PCDHA1: variants seen among roughly 807,000 people sequenced by gnomAD.
The protein encoded by PCDHA1 is protocadherin alpha 1, also known as protocadherin alpha-1.
PCDHA1 carries 42 observed loss-of-function variants against 61.3 expected under a neutral mutation model. The ratio of observed to expected loss-of-function variants is 0.69; its 90% CI spans 0.54 to 0.89. PCDHA1 has a LOEUF of 0.89. Among genes scored for constraint, PCDHA1 ranks in the 40% least tolerant of loss-of-function variants. PCDHA1 has a pLI of 0.00. For missense variants in PCDHA1, 1,256 were observed against 1,235.3 expected (o/e 1.02, Z -0.25); for synonymous variants, 610 against 553.8 (o/e 1.10, Z -1.43).
At chr5:140,868,636 TCTCA>T (rs1554162146) in intron 1 of PCDHA1, 1 of 156,044 alleles carries the variant, frequency 6.4e-6, no homozygotes, top group East Asian at 1.9e-4. Flanking sequence ...TCTCTTTCTC[TCTCA>T]CTCTGTGTAT....
intron 1 of PCDHA1, chr5:140,857,366 G>C: frequency 2.5e-6 from 4 of 1,598,350 alleles, no homozygotes; most frequent in Non-Finnish European, 3.4e-6. Flanking sequence ...CACGGCCAGC[G>C]TGTCTGTGGA....
In PCDHA1 at chr5:140,830,166, C is replaced by T. The variant is rs144102346; in HGVS notation, c.2394+41482C>T. Reference sequence around the variant, plus strand: ...GTGGGCGCCGCGGGCCCAGAGGCGGCGCTGGTGGATGTCAACGTGTACCTG... The same window carrying T: ...GTGGGCGCCGCGGGCCCAGAGGCGGTGCTGGTGGATGTCAACGTGTACCTG... On this transcript the variant is annotated intron_variant, in intron 1 of 3. Transcript: ENST00000504120. 1.9e-4 allele frequency: 303 copies of T among 1,613,518 alleles called. 1 individual carries two copies. The African/African-American group carries it at 3.5e-3, about 18-fold the overall frequency.
intron 1 of PCDHA1, chr5:140,812,147 T>TTGTTGTTGTTG (rs1765043043): frequency 6.6e-6 from 1 of 150,790 alleles, no homozygotes; most frequent in Admixed American, 6.6e-5. Flanking sequence ...GTTTTGGGCT[T>TTGTTGTTGTTG]TTGTTGTTGT....
chr5:140,879,310 T>A (rs541864795), intron 1 of PCDHA1, among the ~76,000 whole-genome samples: 1 of 152,296 alleles, frequency 6.6e-6, no homozygotes, highest in African/African-American at 2.4e-5. Context: ...AAAGTAGAAG[T>A]TGACTCTCAC....
chr5:140,994,317 T>A (rs1053879490), intron 3 of PCDHA1, among the ~76,000 whole-genome samples: 7 of 152,086 alleles, frequency 4.6e-5, no homozygotes, highest in African/African-American at 1.7e-4. Flanking sequence ...GCCCAAACAC[T>A]CTCAGCAACC....
chr5:140,869,430 C>G (rs73793507), intron 1 of PCDHA1: 1 of 1,614,036 alleles, frequency 6.2e-7, no homozygotes, highest in African/African-American at 1.3e-5. Context: ...TGGAGGTGAT[C>G]GTGGACAGGC....
At chr5:140,866,852 C>T (rs1004486221) in intron 1 of PCDHA1, 1 of 152,106 alleles carries the variant, frequency 6.6e-6, no homozygotes, top group Non-Finnish European at 1.5e-5. Flanking sequence ...TTAACAATAA[C>T]TGTATTGAAA....
At chr5:140,860,253 G>C (rs1278193259) in intron 1 of PCDHA1, 1 of 151,492 alleles carries the variant, frequency 6.6e-6, no homozygotes, top group Non-Finnish European at 1.5e-5. Flanking sequence ...CATGCCTTTA[G>C]TCCCTACTGT....
intron 1 of PCDHA1, chr5:140,843,591 G>A (rs2150363188): frequency 6.3e-7 from 1 of 1,596,134 alleles, no homozygotes; most frequent in Admixed American, 1.7e-5. Flanking sequence ...CAGCCGCAGA[G>A]GGTGTGCTCT....
intron 1 of PCDHA1, chr5:140,882,629 G>A: frequency 6.2e-7 from 1 of 1,614,254 alleles, no homozygotes; most frequent in Admixed American, 1.7e-5. Context: ...CCATGTGGAG[G>A]TGAAGGTGAG....
chr5:140,888,628 T>C (rs2061913275), intron 1 of PCDHA1, among the ~76,000 whole-genome samples: 1 of 152,242 alleles, frequency 6.6e-6, no homozygotes, highest in Admixed American at 6.5e-5. Flanking sequence ...TTCGGCCTTC[T>C]ATTACAGCAA....
chr5:140,850,813 G>A (rs2150499202), intron 1 of PCDHA1: 2 of 1,598,488 alleles, frequency 1.3e-6, no homozygotes, highest in Admixed American at 1.7e-5. Flanking sequence ...ATGGCCTTCA[G>A]CCCGGGCCTT....
In PCDHA1 at chr5:140,985,515, T is replaced by G. The variant is rs529024123; in HGVS notation, c.2542+2952T>G. The stretch of plus-strand genomic sequence containing the variant: ...AGAGCCTGCCTTTCATTGATTCTGT[T>G]GCCCTTAAAGCTTCACGGTGAAGAT... On this transcript the variant is annotated intron_variant, in intron 3 of 3. Transcript: ENST00000504120. Among the ~76,000 whole-genome samples, 8 of 152,284 alleles carry G rather than the reference T, an allele frequency of 5.3e-5. No individual in the cohort carries two copies. In the South Asian group the frequency reaches 1.7e-3, roughly 32 times the overall value.
chr5:140,787,278 A>G lies in PCDHA1; in HGVS notation c.988A>G (p.Met330Val), dbSNP rs147952248. The G allele has an allele frequency of 5.6e-6, 9 of 1,614,118 alleles. No individual in the cohort carries two copies. In the African/African-American group the frequency reaches 1.2e-4, roughly 22 times the overall value. The part of the protein sequence containing the change: ...VKAVDKGSPP[M>V]SNHCKVLVKV... ...GGCAGTTGATAAAGGAAGTCCTCCG[A>G]TGTCAAATCACTGTAAGGTTTTGGT... Residue 330 changes from methionine to valine, a missense_variant, in exon 1 of 4, where the codon ATG becomes GTG. Met to Val is a conservative substitution (Grantham distance 21, BLOSUM62 1). Coordinates refer to ENST00000504120, the MANE Select transcript of PCDHA1 (RefSeq NM_018900.4).
chr5:140,834,543 C>A (rs1580783721), intron 1 of PCDHA1: 2 of 1,614,086 alleles, frequency 1.2e-6, no homozygotes, highest in Non-Finnish European at 1.7e-6. Flanking sequence ...GGACCTGGGG[C>A]TGGAGCTGGC....
At chr5:140,908,103 TC>T (rs1554193224) in intron 1 of PCDHA1, among the ~76,000 whole-genome samples, 2 of 152,192 alleles carry the variant, frequency 1.3e-5, no homozygotes, top group Non-Finnish European at 2.9e-5. Flanking sequence ...TGAAGTTCTG[TC>T]CACTGGGAAG....
chr5:140,852,761 C>T (rs17119246), intron 1 of PCDHA1: 72,639 of 982,874 alleles, frequency 0.074, 8,920 homozygotes, highest in African/African-American at 0.25. Flanking sequence ...ACCCAGGTAT[C>T]TGATTATTTG....
chr5:140,893,297 A>G (rs553139850), intron 1 of PCDHA1, among the ~76,000 whole-genome samples: 4 of 152,154 alleles, frequency 2.6e-5, no homozygotes, highest in South Asian at 2.1e-4. Context: ...TGGTAGTTCT[A>G]TTTGTAGTTT....
Position 140,848,651 on chromosome 5 carries a change from G to A in PCDHA1, c.2394+59967G>A. ...TCGTGGGCCGCATCGCGCAGGACCT[G>A]GGGCTGGAGCTGGCGGAGCTGGTGC... is the stretch of plus-strand genomic sequence containing the variant. On this transcript the variant is annotated intron_variant, in intron 1 of 3. Transcript: ENST00000504120. The A allele has an allele frequency of 1.3e-6, 2 of 1,592,962 alleles. 1 individual carries two copies. The highest frequency in any genetic ancestry group is 1.7e-6 in the Non-Finnish European group (2 of 1,163,756).
Sources: gnomAD v4.1 joint callset for allele counts (sites outside exome capture counted in the v4.1 genomes callset) on GRCh38, gnomAD v4.1.1 for gene constraint, MANE v1.5 for transcripts, NCBI Gene and HGNC (gene_info 2026-07-23, HGNC 2026-07-21) for gene names.